FGF14: variants seen among roughly 807,000 people sequenced by gnomAD.
The protein encoded by FGF14 is fibroblast growth factor 14.
In FGF14, 5 loss-of-function variants were observed where a neutral mutation model predicts 25.5. That is an observed-to-expected ratio of 0.20 (90% CI 0.10 to 0.41). The LOEUF (loss-of-function observed/expected upper bound fraction) is 0.41. FGF14 is among the 10% of genes least tolerant of loss of function. The probability of loss-of-function intolerance (pLI) is 1.00; values close to 1 mark genes in which losing one functional copy is unlikely to be tolerated. For missense variants in FGF14, 222 were observed against 320.1 expected, an observed-to-expected ratio of 0.69 and a Z score of 2.34; for synonymous variants, 138 against 118.3, an observed-to-expected ratio of 1.17 and a Z score of -1.08.
chr13:102,215,240 G>A (rs917535661), intron 1 of FGF14, among the ~76,000 whole-genome samples: 3 of 152,208 alleles, frequency 2.0e-5, no homozygotes, highest in African/African-American at 7.2e-5. Context: ...AGAGAAGTGA[G>A]AGAACCTCCA....
intron 1 of FGF14, among the ~76,000 whole-genome samples, chr13:102,348,778 G>A (rs909366283): frequency 6.6e-6 from 1 of 152,194 alleles, no homozygotes; most frequent in Non-Finnish European, 1.5e-5. Flanking sequence ...CCGAGCCCAG[G>A]CTGAGCAATT....
At chr13:101,939,259 G>A (rs952611425) in intron 1 of FGF14, among the ~76,000 whole-genome samples, 13 of 152,072 alleles carry the variant, frequency 8.5e-5, no homozygotes, top group Non-Finnish European at 1.8e-4. Flanking sequence ...GATATTCTTG[G>A]TTTCCTTTGT....
intron 3 of FGF14, among the ~76,000 whole-genome samples, chr13:101,744,136 G>A (rs2036731900): frequency 1.3e-5 from 2 of 152,254 alleles, no homozygotes; most frequent in South Asian, 4.1e-4. Flanking sequence ...GTATTAAAAT[G>A]CACACTAGGA....
At chr13:102,191,590 C>T (rs2049126204) in intron 1 of FGF14, among the ~76,000 whole-genome samples, 1 of 152,130 alleles carries the variant, frequency 6.6e-6, no homozygotes, top group Admixed American at 6.6e-5. Flanking sequence ...ATCATATTAA[C>T]ATATAACTTT....
At chr13:102,396,167 GAT>G (rs1176260751) in intron 1 of FGF14, among the ~76,000 whole-genome samples, 1 of 152,154 alleles carries the variant, frequency 6.6e-6, no homozygotes, top group African/African-American at 2.4e-5. Context: ...TGAGCAGGCA[GAT>G]GTGTAAATAG....
chr13:101,727,843 T>C (rs1057168468), intron 3 of FGF14, among the ~76,000 whole-genome samples: 3 of 152,110 alleles, frequency 2.0e-5, no homozygotes, highest in African/African-American at 7.2e-5. Context: ...GTATATAAAA[T>C]ATAGATGGAA....
rs187410572 is a variant in FGF14 at position 102,103,442 on chromosome 13, T to G, written c.209-228146A>C. 4.5e-5 allele frequency among the ~76,000 whole-genome samples: 6 copies of G among 132,574 alleles called. No individual in the cohort carries two copies. The Admixed American group carries it at 4.9e-4, about 11-fold the overall frequency. The allele number at this position is 132,574 out of a possible 152,430, so 87.0% of individuals were successfully genotyped here. A position where few individuals can be genotyped will look rare whatever the true frequency, so the allele number is the denominator to read the frequency against. On this transcript the variant is annotated intron_variant, in intron 1 of 4. Coordinates refer to the FGF14 transcript ENST00000376131. ...ACTCTGCTAGGATATAAATAAGATT[T>G]TGTTTTTTATGAACTGAGCCCCTGA... is the stretch of plus-strand genomic sequence containing the variant.
At chr13:101,801,213 C>G (rs1484559793) in intron 3 of FGF14, among the ~76,000 whole-genome samples, 1 of 152,104 alleles carries the variant, frequency 6.6e-6, no homozygotes, top group African/African-American at 2.4e-5. Flanking sequence ...AGGTCTTTGT[C>G]TACAAGGAAA....
At chr13:102,017,859 T>C (rs1012877332) in intron 1 of FGF14, among the ~76,000 whole-genome samples, 3 of 152,156 alleles carry the variant, frequency 2.0e-5, no homozygotes, top group African/African-American at 7.2e-5. Flanking sequence ...TTTGATCTTC[T>C]AGACTGTTCA....
intron 1 of FGF14, among the ~76,000 whole-genome samples, chr13:102,216,926 G>T (rs970734674): frequency 1.4e-4 from 22 of 152,062 alleles, no homozygotes; most frequent in African/African-American, 5.1e-4. Flanking sequence ...CCTAAACCTG[G>T]CTGATTTCAC....
At chr13:102,257,373 A>T (rs1806626594) in intron 1 of FGF14, among the ~76,000 whole-genome samples, 2 of 35,774 alleles carry the variant, frequency 5.6e-5, no homozygotes, top group African/African-American at 2.2e-4. Flanking sequence ...TTTTTTCGAG[A>T]CGGAGTTTCA....
At chr13:102,087,575 C>CTTT (rs1166446102) in intron 1 of FGF14, among the ~76,000 whole-genome samples, 75 of 79,862 alleles carry the variant, frequency 9.4e-4, no homozygotes, top group Middle Eastern at 0.011. Context: ...CCATGCCTGG[C>CTTT]TTTTTTTTTT....
intron 1 of FGF14, among the ~76,000 whole-genome samples, chr13:101,977,839 A>T (rs2038019421): frequency 6.6e-6 from 1 of 152,138 alleles, no homozygotes; most frequent in Non-Finnish European, 1.5e-5. Flanking sequence ...AGTCCATTTG[A>T]ATTTGGGTTT....
At chr13:102,352,802 ACT>A in intron 1 of FGF14, among the ~76,000 whole-genome samples, 1 of 141,124 alleles carries the variant, frequency 7.1e-6, no homozygotes, top group South Asian at 2.2e-4. Context: ...ACAGAGCGAG[ACT>A]CTGTCTCAAA....
intron 1 of FGF14, among the ~76,000 whole-genome samples, chr13:102,364,408 T>C (rs1050093525): frequency 9.2e-5 from 14 of 152,182 alleles, no homozygotes; most frequent in African/African-American, 3.4e-4. Flanking sequence ...GTTGCTCACA[T>C]ATTCACAGTA....
At chr13:102,146,675 C>A (rs1334598095) in intron 1 of FGF14, among the ~76,000 whole-genome samples, 1 of 152,124 alleles carries the variant, frequency 6.6e-6, no homozygotes, top group Non-Finnish European at 1.5e-5. Flanking sequence ...TCTAGGCCAC[C>A]ACTCTTTCAA....
intron 1 of FGF14, among the ~76,000 whole-genome samples, chr13:101,913,652 G>A (rs1024335665): frequency 6.6e-6 from 1 of 151,584 alleles, no homozygotes; most frequent in African/African-American, 2.4e-5. Context: ...TCTCCCAATG[G>A]GACAATATTT....
intron 3 of FGF14, among the ~76,000 whole-genome samples, chr13:101,745,306 G>A (rs141016319): frequency 2.0e-3 from 305 of 152,086 alleles, no homozygotes; most frequent in African/African-American, 7.1e-3. Context: ...TCAGCGTCCT[G>A]CACTAGAGTG....
intron 1 of FGF14, among the ~76,000 whole-genome samples, chr13:102,372,530 C>G (rs2057916249): frequency 6.6e-6 from 1 of 152,130 alleles, no homozygotes; most frequent in African/African-American, 2.4e-5. Context: ...CAGAGAAAAT[C>G]TAAGGGCGTC....
Sources: allele counts gnomAD v4.1 joint callset (sites outside exome capture counted in the v4.1 genomes callset), GRCh38; gene constraint gnomAD v4.1.1; transcripts MANE v1.5; gene names NCBI Gene and HGNC (gene_info 2026-07-23, HGNC 2026-07-21).